The following SMG7 variants were observed in gnomAD, a reference collection of about 807,000 sequenced individuals.
SMG7 encodes nonsense-mediated mRNA decay factor SMG7.
SMG7 carries 34 observed loss-of-function variants against 148.2 expected under a neutral mutation model. The ratio of observed to expected loss-of-function variants is 0.23; its 90% confidence interval spans 0.17 to 0.31. The LOEUF (loss-of-function observed/expected upper bound fraction) is 0.31, where lower values mean the gene tolerates loss of function less well. SMG7 is among the 10% of genes least tolerant of loss of function. The pLI, the probability that SMG7 is intolerant of heterozygous loss-of-function variation, is 1.00. For synonymous variants in SMG7, 492 were observed against 515.1 expected (o/e 0.96, Z 0.61); for missense variants, 1,114 against 1,408.4 (o/e 0.79, Z 3.35).
chr1:183,534,942 T>C (rs1163239003), intron 10 of SMG7, among the ~76,000 whole-genome samples: 2 of 152,160 alleles, frequency 1.3e-5, no homozygotes, highest in African/African-American at 4.8e-5. Flanking sequence ...ATTGACATTA[T>C]CATGAATAGA....
chr1:183,494,533 T>A (rs1055224643), intron 1 of SMG7, among the ~76,000 whole-genome samples: 5 of 151,272 alleles, frequency 3.3e-5, no homozygotes, highest in African/African-American at 1.2e-4. Context: ...CCCAAAGAGT[T>A]TCCTTTTTAA....
intron 12 of SMG7, among the ~76,000 whole-genome samples, chr1:183,540,098 A>G (rs1313388849): frequency 1.3e-5 from 2 of 152,070 alleles, no homozygotes; most frequent in Admixed American, 6.6e-5. Context: ...ATACTTGAAT[A>G]GCTCACTATT....
intron 4 of SMG7, among the ~76,000 whole-genome samples, chr1:183,522,526 CT>C (rs1001432031): frequency 5.3e-5 from 8 of 151,338 alleles, no homozygotes; most frequent in Admixed American, 1.3e-4. Flanking sequence ...ATTTCTGAAA[CT>C]TTTTTTTTCA....
chr1:183,547,329 G>A, intron 18 of SMG7, 77 bp downstream of exon 18: 1 of 1,313,286 alleles, frequency 7.6e-7, no homozygotes, highest in Non-Finnish European at 1.0e-6. Context: ...CACAGATTAG[G>A]TGATTTCTTC....
At chr1:183,484,912 T>A (rs892432449) in intron 1 of SMG7, among the ~76,000 whole-genome samples, 4 of 152,182 alleles carry the variant, frequency 2.6e-5, no homozygotes, top group Non-Finnish European at 4.4e-5. Flanking sequence ...TGGCATACAC[T>A]GACATACCTT....
At chr1:183,537,061 C>G (rs1467845474) in intron 10 of SMG7, 84 bp from the exon 11 acceptor site, 1 of 929,120 alleles carries the variant, frequency 1.1e-6, no homozygotes, top group East Asian at 2.4e-5. Flanking sequence ...AGTCCAGGAC[C>G]TATAGATACC....
At chr1:183,474,477 T>C (rs1651613427) in intron 1 of SMG7, among the ~76,000 whole-genome samples, 1 of 152,106 alleles carries the variant, frequency 6.6e-6, no homozygotes, top group East Asian at 1.9e-4. Context: ...GGCAGGAGAA[T>C]CGCTTGAACC....
intron 18 of SMG7, 24 bp from the exon 19 acceptor site, chr1:183,549,183 TA>T: frequency 3.9e-6 from 6 of 1,554,510 alleles, no homozygotes; most frequent in Non-Finnish European, 5.3e-6. Flanking sequence ...ATAACTTAAT[TA>T]CCTTTTTTTC....
In SMG7 at chr1:183,512,830, T is replaced by TAA; in HGVS notation, c.30-6_30-5insAA. The stretch of plus-strand genomic sequence containing the variant: ...ACTCTTTTTTTTTTTTTTTTTTTTC[T>TAA]ATCTAGGCAGGCAGAAGTCCTGAAG... On this transcript the variant is annotated splice_region_variant and splice_polypyrimidine_tract_variant and intron_variant, in intron 1 of 22. Transcript: ENST00000688051. 6.5e-7 allele frequency: 1 copy of TAA among 1,537,442 alleles called. No individual in the cohort carries two copies. Among genetic ancestry groups the TAA allele is most frequent in the East Asian group, 2.3e-5 (1 of 43,406 alleles).
intron 1 of SMG7, among the ~76,000 whole-genome samples, chr1:183,478,248 G>T (rs1029190677): frequency 2.0e-5 from 3 of 152,046 alleles, no homozygotes; most frequent in African/African-American, 7.2e-5. Flanking sequence ...TGTGGTCCAC[G>T]AAGTCTTCTT....
intron 10 of SMG7, 70 bp downstream of exon 10, chr1:183,533,902 C>A: frequency 7.5e-7 from 1 of 1,337,472 alleles, no homozygotes. Flanking sequence ...TATGTAAAAA[C>A]TGCCTTCTAA....
intron 1 of SMG7, among the ~76,000 whole-genome samples, chr1:183,477,243 A>G (rs1375726546): frequency 6.6e-6 from 1 of 151,984 alleles, no homozygotes; most frequent in South Asian, 2.1e-4. Context: ...TTCATACTCT[A>G]TGCTCCCTTC....
At chr1:183,488,288 CTG>C (rs1476860735) in intron 1 of SMG7, among the ~76,000 whole-genome samples, 1 of 152,130 alleles carries the variant, frequency 6.6e-6, no homozygotes, top group Non-Finnish European at 1.5e-5. Context: ...TGATGTATAA[CTG>C]TGCTGTCCAA....
Position 183,529,522 on chromosome 1 carries a change from G to A in SMG7, c.832G>A (p.Glu278Lys). 6.2e-7 allele frequency: 1 copy of A among 1,611,962 alleles called. No individual in the cohort carries two copies. Among genetic ancestry groups the A allele is most frequent in the Non-Finnish European group, 8.5e-7 (1 of 1,178,746 alleles). ...GAGCCCTCTTCGAGAGAAATTGGAA[G>A]AACAGTTTAAGGTTAGATTTCAGAA... is the stretch of plus-strand genomic sequence containing the variant. ...KLSPLREKLE[E>K]QFKRLLFQKA... The change falls in exon 8 of 23, where the codon GAA becomes AAA. Residue 278 changes from glutamate to lysine, a missense_variant. This residue lies in a region of SMG7 where 216 missense variants were observed against 329.1 expected (regional missense o/e 0.66). Coordinates refer to ENST00000688051, the MANE Select transcript of SMG7 (RefSeq NM_001375584.1).
intron 8 of SMG7, 97 bp from the exon 9 acceptor site, chr1:183,533,067 A>G: frequency 5.2e-6 from 5 of 958,790 alleles, no homozygotes; most frequent in Admixed American, 2.1e-5. Context: ...TCTATTACAC[A>G]TGGTGGTTCT....
chr1:183,545,914 T>C (rs1418261247), intron 16 of SMG7, 52 bp from the exon 17 acceptor site: 7 of 1,520,616 alleles, frequency 4.6e-6, no homozygotes. Flanking sequence ...GCATTCATTA[T>C]AAGTAATATT....
intron 10 of SMG7, 39 bp from the exon 11 acceptor site, chr1:183,537,106 A>T (rs767774484): frequency 7.0e-7 from 1 of 1,427,820 alleles, no homozygotes; most frequent in East Asian, 2.3e-5. Context: ...GGTTTCTCTT[A>T]CATAAAAATA....
In SMG7 at chr1:183,539,306, C is replaced by G. The variant is rs548540265; in HGVS notation, c.1295+866C>G. On this transcript the variant is annotated intron_variant, in intron 12 of 22. Coordinates refer to ENST00000688051, the MANE Select transcript of SMG7 (RefSeq NM_001375584.1). Reference sequence around the variant, plus strand: ...ATTGAATTTTCTTCAGCATTGAGTCCGTCGATTTCCTTCCTTCATGAAACC... The same window carrying G: ...ATTGAATTTTCTTCAGCATTGAGTCGGTCGATTTCCTTCCTTCATGAAACC... Among the ~76,000 whole-genome samples the G allele has an allele frequency of 2.0e-5, 3 of 152,190 alleles. No homozygotes were observed. In the East Asian group the frequency reaches 5.8e-4, roughly 29 times the overall value.
At chr1:183,546,987 CATCT>C (rs1246552306) in intron 17 of SMG7, 112 bp from the exon 18 acceptor site, 2 of 977,986 alleles carry the variant, frequency 2.0e-6, no homozygotes, top group Admixed American at 3.1e-5. Context: ...TGCCTAATAC[CATCT>C]ATCTCACTAT....
Sources: gnomAD v4.1 joint callset for allele counts (sites outside exome capture counted in the v4.1 genomes callset) on GRCh38, gnomAD v4.1.1 for gene constraint, gnomAD v4.1.1 regional missense constraint, MANE v1.5 for transcripts, NCBI Gene and HGNC (gene_info 2026-07-23, HGNC 2026-07-21) for gene names.